The following DLGAP2 variants were observed in gnomAD, a reference collection of about 807,000 sequenced individuals.
The protein encoded by DLGAP2 is disks large-associated protein 2.
Under a neutral mutation model 100.3 loss-of-function variants are expected in DLGAP2, and 26 were observed. The ratio of observed to expected loss-of-function variants is 0.26; its 90% CI spans 0.19 to 0.36. The LOEUF is 0.36. DLGAP2 is among the 10% of genes least tolerant of loss of function. The probability of loss-of-function intolerance (pLI) is 1.00; values close to 1 mark genes in which losing one functional copy is unlikely to be tolerated. For missense variants in DLGAP2, 1,858 were observed against 1,453.2 expected (o/e 1.28, Z -4.53); for synonymous variants, 886 against 630.1 (o/e 1.41, Z -6.08).
intron 2 of DLGAP2, among the ~76,000 whole-genome samples, chr8:1,194,409 A>C (rs916458548): frequency 6.6e-6 from 1 of 152,124 alleles, no homozygotes; most frequent in Admixed American, 6.5e-5. Flanking sequence ...CACCGTGTCT[A>C]GGCAGAGCTG....
chr8:997,913 C>G (rs1800828924), intron 2 of DLGAP2, among the ~76,000 whole-genome samples: 1 of 151,852 alleles, frequency 6.6e-6, no homozygotes, highest in African/African-American at 2.4e-5. Context: ...TGCATGCATA[C>G]AAACATGCAC....
At chr8:1,651,015 A>G (rs1798149592) in intron 8 of DLGAP2, among the ~76,000 whole-genome samples, 1 of 152,156 alleles carries the variant, frequency 6.6e-6, no homozygotes, top group Non-Finnish European at 1.5e-5. Flanking sequence ...CACCAAGAAA[A>G]CCCCTGCTCA....
intron 2 of DLGAP2, among the ~76,000 whole-genome samples, chr8:1,080,952 G>T (rs986612059): frequency 2.6e-5 from 4 of 152,112 alleles, no homozygotes; most frequent in Non-Finnish European, 5.9e-5. Context: ...AGAAGCCATC[G>T]ATATCTTGAT....
chr8:1,030,635 C>T (rs7460543), intron 2 of DLGAP2, among the ~76,000 whole-genome samples: 39,974 of 152,134 alleles, frequency 0.26, 5,678 homozygotes, highest in African/African-American at 0.36. Flanking sequence ...TAACCTGTTG[C>T]AGAGTCTGTC....
intron 2 of DLGAP2, chr8:1,018,943 T>G (rs574254964): frequency 6.6e-6 from 1 of 152,238 alleles, no homozygotes; most frequent in East Asian, 1.9e-4. Context: ...GCCTTCACCA[T>G]GTGGGTTTAC....
intron 3 of DLGAP2, among the ~76,000 whole-genome samples, chr8:1,391,218 G>A (rs1169015057): frequency 6.6e-6 from 1 of 152,220 alleles, no homozygotes; most frequent in Non-Finnish European, 1.5e-5. Context: ...TGTGCAGGAT[G>A]TTGAATCCAA....
chr8:847,211 ATGT>A (rs770073862), intron 1 of DLGAP2, among the ~76,000 whole-genome samples: 1 of 152,178 alleles, frequency 6.6e-6, no homozygotes, highest in African/African-American at 2.4e-5. Context: ...ATTCAGGAAA[ATGT>A]TGTTTTTTCT....
chr8:1,074,319 G>C (rs1262816912), intron 2 of DLGAP2, among the ~76,000 whole-genome samples: 3 of 152,008 alleles, frequency 2.0e-5, no homozygotes, highest in Non-Finnish European at 4.4e-5. Flanking sequence ...AGAAGGGTTT[G>C]CAGCAGACTG....
chr8:828,845 G>A (rs893140838), intron 1 of DLGAP2, among the ~76,000 whole-genome samples: 2 of 152,162 alleles, frequency 1.3e-5, no homozygotes, highest in East Asian at 3.9e-4. Flanking sequence ...GGCTTCAGCC[G>A]GTCCCTCCGT....
chr8:1,388,829 G>A (rs539528430), intron 3 of DLGAP2, among the ~76,000 whole-genome samples: 1 of 115,610 alleles, frequency 8.6e-6, no homozygotes, highest in South Asian at 3.7e-4. Context: ...ATGAGGAGGC[G>A]CTGGTTCAGG....
At chr8:1,222,500 T>G (rs910295130) in intron 2 of DLGAP2, among the ~76,000 whole-genome samples, 1 of 151,956 alleles carries the variant, frequency 6.6e-6, no homozygotes, top group African/African-American at 2.4e-5. Flanking sequence ...GACACTCCAG[T>G]GGGGGCTGCT....
chr8:1,220,323 G>T (rs532412098), intron 2 of DLGAP2, among the ~76,000 whole-genome samples: 1 of 152,198 alleles, frequency 6.6e-6, no homozygotes, highest in South Asian at 2.1e-4. Flanking sequence ...GTTTTCATTA[G>T]TTTCAAATAA....
At position 1,577,992 on chromosome 8, in the gene DLGAP2, G is replaced by A. The variant is rs138103735; in HGVS notation, c.1442+12098G>A. Among the ~76,000 whole-genome samples, 26 of 152,334 alleles carry A rather than the reference G, an allele frequency of 1.7e-4. No homozygotes were observed. The East Asian group carries it at 3.5e-3, about 20-fold the overall frequency. ...TGATAACGTTTTGTTGGTAAATTAC[G>A]TAGACACTCTTATACTAAGTTTATC... On this transcript the variant is annotated intron_variant, in intron 6 of 14. Coordinates refer to ENST00000637795, the MANE Select transcript of DLGAP2 (RefSeq NM_001346810.2).
intron 2 of DLGAP2, among the ~76,000 whole-genome samples, chr8:1,032,379 C>T (rs918466069): frequency 1.2e-4 from 19 of 152,308 alleles, no homozygotes; most frequent in Non-Finnish European, 2.2e-4. Context: ...TGGCTCCCAG[C>T]GATTTCTCCA....
At chr8:810,506 G>GT (rs1441828525) in intron 1 of DLGAP2, among the ~76,000 whole-genome samples, 1 of 152,146 alleles carries the variant, frequency 6.6e-6, no homozygotes, top group Non-Finnish European at 1.5e-5. Context: ...TGTTTTCGAA[G>GT]TACATTCTAT....
intron 3 of DLGAP2, among the ~76,000 whole-genome samples, chr8:1,381,731 G>T (rs756694776): frequency 1.3e-5 from 2 of 151,678 alleles, no homozygotes; most frequent in African/African-American, 4.8e-5. Context: ...GCTCCATCGC[G>T]TTGCCGTGAA....
intron 2 of DLGAP2, among the ~76,000 whole-genome samples, chr8:1,217,916 T>G (rs552007410): frequency 6.6e-6 from 1 of 152,326 alleles, no homozygotes; most frequent in East Asian, 1.9e-4. Flanking sequence ...TTTTGAGAAG[T>G]GTCCATGTCC....
At chr8:1,226,076 G>A (rs893881808) in intron 2 of DLGAP2, among the ~76,000 whole-genome samples, 7 of 151,952 alleles carry the variant, frequency 4.6e-5, no homozygotes, top group African/African-American at 7.3e-5. Context: ...TAATAAGGGG[G>A]TAATATCCAA....
At chr8:1,242,609 C>G (rs1259594894) in intron 2 of DLGAP2, among the ~76,000 whole-genome samples, 2 of 152,226 alleles carry the variant, frequency 1.3e-5, no homozygotes, top group Non-Finnish European at 2.9e-5. Flanking sequence ...CGCCACTCCT[C>G]TGTGGCACTT....
Sources: gnomAD v4.1 joint callset for allele counts (sites outside exome capture counted in the v4.1 genomes callset) on GRCh38, gnomAD v4.1.1 for gene constraint, MANE v1.5 for transcripts, NCBI Gene and HGNC (gene_info 2026-07-23, HGNC 2026-07-21) for gene names.